The following TMEM161B variants were observed in gnomAD, a reference collection of about 807,000 sequenced individuals.
The protein encoded by TMEM161B is transmembrane protein 161B.
TMEM161B carries 34 observed loss-of-function variants against 61.8 expected under a neutral mutation model. The ratio of observed to expected loss-of-function variants is 0.55; its 90% confidence interval spans 0.42 to 0.73. The LOEUF is 0.73. Among genes scored for constraint, TMEM161B ranks in the 30% least tolerant of loss-of-function variants. TMEM161B has a pLI of 0.00. For synonymous variants in TMEM161B, 167 were observed against 192.8 expected (o/e 0.87, Z 1.11); for missense variants, 456 against 558.5 (o/e 0.82, Z 1.85).
chr5:88,206,830 CAT>C (rs1424699777), intron 6 of TMEM161B, among the ~76,000 whole-genome samples, 197 bp downstream of exon 6: 4 of 151,694 alleles, frequency 2.6e-5, no homozygotes, highest in African/African-American at 9.7e-5. Context: ...TGGAAAAAAA[CAT>C]TAATTAAAAA....
chr5:88,203,324 C>T (rs746971923), intron 8 of TMEM161B, among the ~76,000 whole-genome samples: 10 of 152,044 alleles, frequency 6.6e-5, no homozygotes, highest in African/African-American at 2.2e-4. Context: ...AAATGACTTG[C>T]TCTTGGCAAT....
intron 1 of TMEM161B, among the ~76,000 whole-genome samples, chr5:88,247,280 C>T (rs1006455218): frequency 2.6e-5 from 4 of 151,960 alleles, no homozygotes; most frequent in Non-Finnish European, 5.9e-5. Flanking sequence ...GAAAATAAAA[C>T]TCTAAAAACT....
At chr5:88,233,177 C>T (rs936632747) in intron 2 of TMEM161B, among the ~76,000 whole-genome samples, 2 of 152,110 alleles carry the variant, frequency 1.3e-5, no homozygotes, top group Admixed American at 6.5e-5. Context: ...AAAGCCTTTG[C>T]CTTTTTGATG....
chr5:88,246,531 A>G (rs750871120), intron 1 of TMEM161B, among the ~76,000 whole-genome samples: 1 of 151,964 alleles, frequency 6.6e-6, no homozygotes, highest in Non-Finnish European at 1.5e-5. Flanking sequence ...ATTGACAATT[A>G]CAGTGTACAT....
Position 88,220,729 on chromosome 5 carries a change from A to C in TMEM161B, c.290-10T>G. On this transcript the variant is annotated splice_polypyrimidine_tract_variant and intron_variant, in intron 4 of 11. Transcript: ENST00000296595. ...GGAAAGTAATGCAATGCTGGAAAGA[A>C]AAAAAAAAAAAAAAAAAAAAAAGGT... The C allele has an allele frequency of 2.5e-6, 3 of 1,190,904 alleles. No individual in the cohort carries two copies. The highest frequency in any genetic ancestry group is 3.5e-5 in the East Asian group (1 of 28,314). The allele number at this position is 1,190,904 out of a possible 1,614,324, so 73.8% of individuals were successfully genotyped here. A position where few individuals can be genotyped will look rare whatever the true frequency, so the allele number is the denominator to read the frequency against.
At chr5:88,230,909 T>C (rs1240631161) in intron 2 of TMEM161B, among the ~76,000 whole-genome samples, 2 of 152,142 alleles carry the variant, frequency 1.3e-5, no homozygotes, top group Non-Finnish European at 2.9e-5. Context: ...AGCACATGAT[T>C]AGAGGGTCAG....
At chr5:88,211,124 A>T (rs1261073760) in intron 5 of TMEM161B, among the ~76,000 whole-genome samples, 2 of 152,102 alleles carry the variant, frequency 1.3e-5, no homozygotes, top group East Asian at 3.9e-4. Flanking sequence ...TACATCGAAT[A>T]AGATGTATTA....
In TMEM161B at chr5:88,199,076, A is replaced by G; in HGVS notation, c.989T>C (p.Met330Thr). 2 of 1,613,146 alleles carry G rather than the reference A, an allele frequency of 1.2e-6. No individual in the cohort carries two copies. The highest frequency in any genetic ancestry group is 2.2e-5 in the East Asian group (1 of 44,854). Residue 330 changes from methionine to threonine, a missense_variant, in exon 10 of 12, where the codon ATG becomes ACG. Transcript: ENST00000296595. ...ILLCALRLAM[M>T]RSHLQAYLNL... Reference sequence around the variant, plus strand: ...TAAATAAGCTTGCAGGTGACTACGCATCATGGCCAACCGCAAAGCACACAG... The same window carrying G: ...TAAATAAGCTTGCAGGTGACTACGCGTCATGGCCAACCGCAAAGCACACAG...
At chr5:88,217,231 T>C (rs911158700) in intron 5 of TMEM161B, among the ~76,000 whole-genome samples, 1 of 152,178 alleles carries the variant, frequency 6.6e-6, no homozygotes, top group Non-Finnish European at 1.5e-5. Flanking sequence ...CACTACAGCC[T>C]GGGCAACAGA....
Position 88,258,556 on chromosome 5 carries a change from T to C in TMEM161B, c.3+10165A>G, listed in dbSNP as rs1017530899. On this transcript the variant is annotated intron_variant, in intron 1 of 11. Coordinates refer to ENST00000296595, the MANE Select transcript of TMEM161B (RefSeq NM_153354.5). The stretch of plus-strand genomic sequence containing the variant: ...GAATGCAGAAACAAATGGTTCTAGT[T>C]ATGGAACACGAATACTTAAATACAT... Among the ~76,000 whole-genome samples, 8 of 152,152 alleles carry C rather than the reference T, an allele frequency of 5.3e-5. No individual in the cohort carries two copies. In the East Asian group the frequency reaches 1.5e-3, roughly 29 times the overall value.
downstream of TMEM161B, among the ~76,000 whole-genome samples, chr5:88,185,624 T>C (rs1181461003): frequency 6.6e-6 from 1 of 152,210 alleles, no homozygotes; most frequent in Non-Finnish European, 1.5e-5. Context: ...GAGGAAAGCA[T>C]AAACGTATTT....
At chr5:88,226,436 T>C (rs1322081845) in intron 3 of TMEM161B, among the ~76,000 whole-genome samples, 3 of 152,168 alleles carry the variant, frequency 2.0e-5, no homozygotes, top group African/African-American at 4.8e-5. Flanking sequence ...GACAAACATA[T>C]AGAAAGCAAT....
At chr5:88,249,893 CAGA>C in intron 1 of TMEM161B, among the ~76,000 whole-genome samples, 1 of 152,128 alleles carries the variant, frequency 6.6e-6, no homozygotes, top group East Asian at 1.9e-4. Flanking sequence ...TCCAAGGACA[CAGA>C]AGAAGACAAG....
chr5:88,194,651 C>T (rs1435345727), downstream of TMEM161B, among the ~76,000 whole-genome samples: 1 of 151,614 alleles, frequency 6.6e-6, no homozygotes, highest in East Asian at 1.9e-4. Context: ...TGGCTATTTC[C>T]AAAATATTTA....
chr5:88,206,987 G>C, intron 6 of TMEM161B, 42 bp downstream of exon 6: 13 of 1,590,010 alleles, frequency 8.2e-6, no homozygotes, highest in Non-Finnish European at 1.1e-5. Context: ...ATTAACACTA[G>C]ATAAAGCAAA....
chr5:88,204,524 G>A (rs542674268), intron 8 of TMEM161B, among the ~76,000 whole-genome samples: 118 of 152,224 alleles, frequency 7.8e-4, no homozygotes, highest in Non-Finnish European at 1.4e-3. Flanking sequence ...AGTGTTGCTA[G>A]GGAACACTCT....
At chr5:88,222,557 T>C (rs1225841559) in intron 4 of TMEM161B, among the ~76,000 whole-genome samples, 1 of 152,190 alleles carries the variant, frequency 6.6e-6, no homozygotes, top group Non-Finnish European at 1.5e-5. Flanking sequence ...AAAATCCATT[T>C]ACGGTTTTCA....
downstream of TMEM161B, among the ~76,000 whole-genome samples, chr5:88,189,479 C>T (rs934223105): frequency 6.6e-6 from 1 of 152,096 alleles, no homozygotes; most frequent in African/African-American, 2.4e-5. Flanking sequence ...GCTGGGATTC[C>T]CTCTACCTTC....
chr5:88,206,598 T>C, intron 6 of TMEM161B, 99 bp from the exon 7 acceptor site: 1 of 1,219,686 alleles, frequency 8.2e-7, no homozygotes, highest in Middle Eastern at 2.6e-4. Flanking sequence ...CAGAGCATCT[T>C]AAATTTTGAA....
Sources: gnomAD v4.1 joint callset for allele counts (sites outside exome capture counted in the v4.1 genomes callset) on GRCh38, gnomAD v4.1.1 for gene constraint, MANE v1.5 for transcripts, NCBI Gene and HGNC (gene_info 2026-07-23, HGNC 2026-07-21) for gene names.